ABCC2: variants seen among roughly 807,000 people sequenced by gnomAD.
ABCC2 encodes the protein ATP binding cassette subfamily C member 2.
In ABCC2, 157 loss-of-function variants were observed where a neutral mutation model predicts 173.4. That is an observed-to-expected ratio of 0.91 (90% confidence interval 0.80 to 1.03). The LOEUF (loss-of-function observed/expected upper bound fraction) is 1.03. Among genes scored for constraint, ABCC2 ranks in the 50% least tolerant of loss-of-function variants. ABCC2 has a pLI of 0.00. For synonymous variants in ABCC2, 657 were observed against 693.5 expected, an observed-to-expected ratio of 0.95 and a Z score of 0.83; for missense variants, 1,822 against 1,852.3, an observed-to-expected ratio of 0.98 and a Z score of 0.30.
Position 99,804,170 on chromosome 10 carries a change from T to G in ABCC2, c.1361T>G (p.Phe454Cys), listed in dbSNP as rs761736186. The G allele has an allele frequency of 1.2e-6, 2 of 1,614,166 alleles. No homozygotes were observed. The highest frequency in any genetic ancestry group is 2.2e-5 in the South Asian group (2 of 91,080). The change falls in exon 10 of 32, where the codon TTC becomes TGC. Residue 454 changes from phenylalanine to cysteine, a missense_variant. By Grantham distance (205) the Phe-to-Cys change is radical. Transcript: ENST00000647814. ...SVLQIVLSIF[F>C]LWRELGPSVL... Reference sequence around the variant, plus strand: ...CTACAGATTGTCTTATCTATCTTCTTCCTATGGAGAGAGTTGGGACCCTCA... The same window carrying G: ...CTACAGATTGTCTTATCTATCTTCTGCCTATGGAGAGAGTTGGGACCCTCA...
At chr10:99,788,350 T>G (rs1295528185) in intron 2 of ABCC2, among the ~76,000 whole-genome samples, 3 of 152,218 alleles carry the variant, frequency 2.0e-5, no homozygotes, top group Admixed American at 6.5e-5. Flanking sequence ...AAACTCGTAC[T>G]GATACCACCA....
In ABCC2 at chr10:99,799,236, T is replaced by C. The variant is rs1482401596; in HGVS notation, c.897T>C (p.Ser299=). 6.2e-7 allele frequency: 1 copy of C among 1,614,114 alleles called. No homozygotes were observed. The highest frequency in any genetic ancestry group is 8.5e-7 in the Non-Finnish European group (1 of 1,180,006). The change falls in exon 8 of 32, where the codon TCT becomes TCC. Residue 299 remains serine, a synonymous_variant. Transcript: ENST00000647814. ...ATGTTGAAAAGAAAAAAAAGAAGTC[T>C]GGGACCAAAAAAGATGTTCCAAAAT... The part of the protein sequence containing the change: ...LEDVEKKKKK[S]GTKKDVPKSW...
At chr10:99,838,102 G>A (rs1590187262) in intron 25 of ABCC2, among the ~76,000 whole-genome samples, 5 of 83,680 alleles carry the variant, frequency 6.0e-5, no homozygotes, top group East Asian at 7.4e-4. Flanking sequence ...GGGCAGGGGG[G>A]CTGACCCCCC....
chr10:99,819,521 A>G (rs1446707196), intron 19 of ABCC2, among the ~76,000 whole-genome samples: 1 of 152,200 alleles, frequency 6.6e-6, no homozygotes, highest in Non-Finnish European at 1.5e-5. Flanking sequence ...CACTCTTTAG[A>G]AGGGTACAAC....
intron 8 of ABCC2, among the ~76,000 whole-genome samples, chr10:99,800,173 TG>T (rs2037989200): frequency 6.6e-6 from 1 of 152,218 alleles, no homozygotes; most frequent in Admixed American, 6.5e-5. Context: ...CACTCCAGCC[TG>T]GGCAACAGAG....
Position 99,845,645 on chromosome 10 carries a change from G to A in ABCC2, c.4009G>A (p.Gly1337Arg). The A allele has an allele frequency of 6.2e-7, 1 of 1,614,118 alleles. No individual in the cohort carries two copies. The highest frequency in any genetic ancestry group is 1.1e-5 in the South Asian group (1 of 91,068). The change falls in exon 29 of 32, where the codon GGA (glycine) becomes AGA (arginine). Residue 1337 changes from glycine (G) to arginine (R), a missense_variant. Transcript: ENST00000647814. ...GCAGATTGGTGTGGTGGGCAGGACAGGAGCTGGAAAGTCATCCCTCACAAA... is the reference window on the plus strand; with the variant it reads ...GCAGATTGGTGTGGTGGGCAGGACAAGAGCTGGAAAGTCATCCCTCACAAA... ...MEKIGVVGRT[G>R]AGKSSLTNCL...
chr10:99,811,956 ATAAGT>A (rs1158537742), intron 15 of ABCC2, among the ~76,000 whole-genome samples: 2 of 152,206 alleles, frequency 1.3e-5, no homozygotes, highest in Non-Finnish European at 2.9e-5. Context: ...TGAATTCAGT[ATAAGT>A]TCATTCATTC....
chr10:99,823,390 T>C (rs2038573748), intron 19 of ABCC2, among the ~76,000 whole-genome samples: 1 of 152,136 alleles, frequency 6.6e-6, no homozygotes, highest in South Asian at 2.1e-4. Context: ...GGGAAATTTC[T>C]TTTTCTTACA....
At position 99,845,620 on chromosome 10, in the gene ABCC2, G is replaced by A. The variant is rs759308443; in HGVS notation, c.3988-4G>A. ...ACTAATGTGTAAGGGAACTATATTC[G>A]CAGATTGGTGTGGTGGGCAGGACAG... On this transcript the variant is annotated splice_region_variant and splice_polypyrimidine_tract_variant and intron_variant, in intron 28 of 31. Coordinates refer to ENST00000647814, the MANE Select transcript of ABCC2 (RefSeq NM_000392.5). 3.6e-5 allele frequency: 58 copies of A among 1,613,724 alleles called. 1 individual carries two copies. Among genetic ancestry groups the A allele is most frequent in the South Asian group, 4.4e-5 (4 of 91,064 alleles).
At chr10:99,830,545 C>T (rs2038720830) in intron 20 of ABCC2, 112 bp downstream of exon 20, 11 of 1,569,342 alleles carry the variant, frequency 7.0e-6, no homozygotes, top group Non-Finnish European at 8.7e-6. Flanking sequence ...ACACTCCAAG[C>T]TCTTCCTTTG....
chr10:99,793,633 C>G lies in ABCC2; in HGVS notation c.416C>G (p.Ser139Trp), dbSNP rs772107587. Reference sequence around the variant, plus strand: ...TTCCTGTCCCTATTCTGGATTCTCTCGATACTCTGTGGCACTTTCCAATTT... The same window carrying G: ...TTCCTGTCCCTATTCTGGATTCTCTGGATACTCTGTGGCACTTTCCAATTT... ...SWFLSLFWIL[S>W]ILCGTFQFQT... Residue 139 changes from serine to tryptophan, a missense_variant, in exon 4 of 32, where the codon TCG (serine) becomes TGG (tryptophan). Coordinates refer to ENST00000647814, the MANE Select transcript of ABCC2 (RefSeq NM_000392.5). 8.1e-6 allele frequency: 13 copies of G among 1,613,934 alleles called. No homozygotes were observed. The highest frequency in any genetic ancestry group is 1.3e-5 in the African/African-American group (1 of 74,866).
At chr10:99,791,312 G>A (rs1447811277) in intron 2 of ABCC2, among the ~76,000 whole-genome samples, 3 of 152,164 alleles carry the variant, frequency 2.0e-5, no homozygotes. Context: ...GGAGGCTGAG[G>A]CAGGAGAATC....
At chr10:99,790,915 G>A (rs2037801360) in intron 2 of ABCC2, among the ~76,000 whole-genome samples, 1 of 152,112 alleles carries the variant, frequency 6.6e-6, no homozygotes, top group Non-Finnish European at 1.5e-5. Flanking sequence ...AATAAGGGTA[G>A]ATGGATAGGG....
In ABCC2 at chr10:99,844,474, A is replaced by T. The variant is rs1389951199; in HGVS notation, c.3987+9A>T. On this transcript the variant is annotated intron_variant, in intron 28 of 31. Coordinates refer to ENST00000647814, the MANE Select transcript of ABCC2 (RefSeq NM_000392.5). Reference sequence around the variant, plus strand: ...TCGGTAGCATGGAGAAGGTAGGTGGAGTGAAGGAAGGCCTGGATGGGAGGC... The same window carrying T: ...TCGGTAGCATGGAGAAGGTAGGTGGTGTGAAGGAAGGCCTGGATGGGAGGC... The T allele has an allele frequency of 1.2e-6, 2 of 1,612,762 alleles. No homozygotes were observed. The highest frequency in any genetic ancestry group is 1.7e-6 in the Non-Finnish European group (2 of 1,180,018).
intron 25 of ABCC2, among the ~76,000 whole-genome samples, chr10:99,839,373 C>A (rs2038896528): frequency 1.1e-5 from 1 of 92,124 alleles, no homozygotes; most frequent in African/African-American, 3.9e-5. Context: ...GGCTGACCCC[C>A]CCCCACCTCC....
intron 11 of ABCC2, among the ~76,000 whole-genome samples, chr10:99,806,073 CTGTCTG>C (rs763941630): frequency 4.7e-5 from 2 of 42,910 alleles, no homozygotes; most frequent in Non-Finnish European, 8.5e-5. Context: ...CTCTCTCTCT[CTGTCTG>C]TGTGTGTGTG....
chr10:99,814,402 TAC>T (rs1299062853), intron 16 of ABCC2, among the ~76,000 whole-genome samples: 1 of 144,646 alleles, frequency 6.9e-6, no homozygotes, highest in Non-Finnish European at 1.5e-5. Context: ...TGGGTATATA[TAC>T]ACACGTGTAT....
intron 12 of ABCC2, among the ~76,000 whole-genome samples, 168 bp downstream of exon 12, chr10:99,807,689 T>C (rs1171635683): frequency 6.6e-6 from 1 of 152,238 alleles, no homozygotes; most frequent in Non-Finnish European, 1.5e-5. Flanking sequence ...CTTTGTACCA[T>C]ACCCCCAGCT....
chr10:99,809,248 GA>G (rs1233743484), intron 13 of ABCC2, among the ~76,000 whole-genome samples: 87 of 152,210 alleles, frequency 5.7e-4, no homozygotes, highest in Non-Finnish European at 7.3e-5. Context: ...AGCTACTCGA[GA>G]GGCTGAGGCA....
Sources: gnomAD v4.1 joint callset for allele counts (sites outside exome capture counted in the v4.1 genomes callset) on GRCh38, gnomAD v4.1.1 for gene constraint, MANE v1.5 for transcripts, NCBI Gene and HGNC (gene_info 2026-07-23, HGNC 2026-07-21) for gene names.